Variants in STIM2 observed in about 807,000 individuals in gnomAD.
STIM2 encodes stromal interaction molecule 2.
STIM2 carries 31 observed loss-of-function variants against 85.8 expected under a neutral mutation model. The observed-to-expected ratio is 0.36, with a 90% CI of 0.27 to 0.49. The LOEUF is 0.49. STIM2 is among the 20% of genes least tolerant of loss of function. STIM2 has a pLI of 0.98. For missense variants in STIM2, 841 were observed against 927.6 expected, an observed-to-expected ratio of 0.91 and a Z score of 1.21; for synonymous variants, 356 against 331.1, an observed-to-expected ratio of 1.08 and a Z score of -0.82.
At chr4:26,934,067 G>A (rs1279388363) in intron 2 of STIM2, among the ~76,000 whole-genome samples, 10 of 152,118 alleles carry the variant, frequency 6.6e-5, no homozygotes, top group Non-Finnish European at 7.4e-5. Flanking sequence ...GGTGGCACGC[G>A]CCTGTAATCC....
chr4:26,974,095 T>TCCTCCATCCCTTTATTTTGAG (rs1274515537), intron 3 of STIM2, among the ~76,000 whole-genome samples: 2 of 152,312 alleles, frequency 1.3e-5, no homozygotes, highest in Admixed American at 6.5e-5. Context: ...CAGTGGATCT[T>TCCTCCATCCCTTTATTTTGAG]CCTCCATCCC....
At chr4:26,906,031 T>C (rs908115023) in intron 1 of STIM2, among the ~76,000 whole-genome samples, 1 of 152,068 alleles carries the variant, frequency 6.6e-6, no homozygotes, top group Non-Finnish European at 1.5e-5. Flanking sequence ...AATCCAGAAA[T>C]TTATGAAGTT....
At chr4:27,003,392 T>A (rs140828187) in intron 7 of STIM2, among the ~76,000 whole-genome samples, 1 of 152,184 alleles carries the variant, frequency 6.6e-6, no homozygotes, top group Non-Finnish European at 1.5e-5. Context: ...CTGTAATATG[T>A]TTAAGTTTCT....
rs568005714 is a variant in STIM2 at position 26,893,738 on chromosome 4, T to A, written c.152-25766T>A. Among the ~76,000 whole-genome samples, 6 of 150,810 alleles carry A rather than the reference T, an allele frequency of 4.0e-5. No individual in the cohort carries two copies. The South Asian group carries it at 1.3e-3, about 32-fold the overall frequency. On this transcript the variant is annotated intron_variant, in intron 1 of 11. Coordinates refer to ENST00000467087, the MANE Select transcript of STIM2 (RefSeq NM_020860.4). ...CCAAAGCGGATGTATCAGTTTACTT[T>A]CCCAGTGTCACGAACATTGGTATTA...
intron 2 of STIM2, among the ~76,000 whole-genome samples, chr4:26,922,590 G>GTCT (rs1048097042): frequency 1.4e-4 from 21 of 152,258 alleles, no homozygotes; most frequent in African/African-American, 5.1e-4. Flanking sequence ...GAGCTTCCAT[G>GTCT]TCTTCTTCAT....
intron 1 of STIM2, among the ~76,000 whole-genome samples, chr4:26,914,265 T>C (rs992890576): frequency 6.6e-6 from 1 of 152,246 alleles, no homozygotes; most frequent in Non-Finnish European, 1.5e-5. Flanking sequence ...ACACTTAATT[T>C]TTATATAAGT....
chr4:26,865,978 A>G (rs1431314864), intron 1 of STIM2, among the ~76,000 whole-genome samples: 1 of 111,358 alleles, frequency 9.0e-6, no homozygotes, highest in Non-Finnish European at 1.8e-5. Context: ...TAATCCTGTT[A>G]GATAGCTACT....
chr4:26,968,365 TA>T (rs1179908859), intron 3 of STIM2, among the ~76,000 whole-genome samples: 33 of 152,228 alleles, frequency 2.2e-4, no homozygotes, highest in African/African-American at 6.7e-4. Flanking sequence ...AATTCTGACA[TA>T]CGCACAACAT....
chr4:27,023,234 A>G lies in STIM2; in HGVS notation c.*238A>G, dbSNP rs962410588. Reference sequence around the variant, plus strand: ...TACTGAAAAATCATTGAAATGAGACAGTTTACAGTCATTTCTGCCTATTTA... The same window carrying G: ...TACTGAAAAATCATTGAAATGAGACGGTTTACAGTCATTTCTGCCTATTTA... On this transcript the variant is annotated 3_prime_UTR_variant, in exon 12 of 12. Coordinates refer to ENST00000467087, the MANE Select transcript of STIM2 (RefSeq NM_020860.4). 1 of 492,332 alleles carries G rather than the reference A, an allele frequency of 2.0e-6. No homozygotes were observed. 30.5% of individuals were successfully genotyped at this position (492,332 alleles called of 1,614,324 possible). A position where few individuals can be genotyped will look rare whatever the true frequency, so the allele number is the denominator to read the frequency against.
At chr4:26,954,248 A>G (rs973729193) in intron 2 of STIM2, among the ~76,000 whole-genome samples, 11 of 152,206 alleles carry the variant, frequency 7.2e-5, no homozygotes, top group African/African-American at 2.7e-4. Context: ...TAAAGCATTA[A>G]CTTTCAGTGG....
At chr4:26,887,872 A>G (rs1012153407) in intron 1 of STIM2, among the ~76,000 whole-genome samples, 2 of 152,200 alleles carry the variant, frequency 1.3e-5, no homozygotes, top group Admixed American at 6.5e-5. Context: ...ATAGAGACTT[A>G]TTTCAAGGAA....
At chr4:26,990,985 A>G (rs74527152) in intron 3 of STIM2, among the ~76,000 whole-genome samples, 1 of 152,306 alleles carries the variant, frequency 6.6e-6, no homozygotes, top group Non-Finnish European at 1.5e-5. Flanking sequence ...ATTTGTGGGA[A>G]TGTAAAGTAG....
intron 2 of STIM2, among the ~76,000 whole-genome samples, chr4:26,935,127 T>C (rs940181778): frequency 6.6e-6 from 1 of 152,132 alleles, no homozygotes; most frequent in Non-Finnish European, 1.5e-5. Context: ...TATATCTGGA[T>C]TGTGGATGTC....
intron 2 of STIM2, among the ~76,000 whole-genome samples, chr4:26,928,178 T>C (rs1453289376): frequency 6.6e-6 from 1 of 152,142 alleles, no homozygotes; most frequent in Non-Finnish European, 1.5e-5. Context: ...TCCTGAGGGT[T>C]GGGCCCTTAT....
intron 3 of STIM2, among the ~76,000 whole-genome samples, chr4:26,982,938 A>C (rs569076466): frequency 1.3e-5 from 2 of 152,324 alleles, no homozygotes; most frequent in East Asian, 3.9e-4. Context: ...GTAGTTGCTC[A>C]GTCCCTCTGT....
At chr4:26,995,050 T>G (rs1727904420) in intron 3 of STIM2, among the ~76,000 whole-genome samples, 1 of 152,126 alleles carries the variant, frequency 6.6e-6, no homozygotes, top group Non-Finnish European at 1.5e-5. Context: ...ACTATATGGG[T>G]GGATGGCTAG....
intron 2 of STIM2, among the ~76,000 whole-genome samples, chr4:26,946,863 A>G (rs1216370345): frequency 6.6e-6 from 1 of 152,172 alleles, no homozygotes; most frequent in Non-Finnish European, 1.5e-5. Context: ...TTTGCTTACT[A>G]CTGGTCATTA....
At chr4:26,903,913 C>G (rs1724021462) in intron 1 of STIM2, among the ~76,000 whole-genome samples, 1 of 151,590 alleles carries the variant, frequency 6.6e-6, no homozygotes, top group African/African-American at 2.4e-5. Flanking sequence ...TTCTCAGTGG[C>G]TAGGATTTTT....
At chr4:26,965,933 G>A (rs1726699926) in intron 3 of STIM2, among the ~76,000 whole-genome samples, 1 of 152,084 alleles carries the variant, frequency 6.6e-6, no homozygotes, top group African/African-American at 2.4e-5. Context: ...AATGTTTTGA[G>A]CCTTGTTTTT....
Sources: allele counts gnomAD v4.1 joint callset (sites outside exome capture counted in the v4.1 genomes callset), GRCh38; gene constraint gnomAD v4.1.1; transcripts MANE v1.5; gene names NCBI Gene and HGNC (gene_info 2026-07-23, HGNC 2026-07-21).